The following STIMATE variants were observed in gnomAD, a reference collection of about 807,000 sequenced individuals.
STIMATE encodes the protein STIM activating enhancer, also known as store-operated calcium entry regulator STIMATE.
In STIMATE, 15 loss-of-function variants were observed where a neutral mutation model predicts 36.7. That is an observed-to-expected ratio of 0.41 (90% CI 0.27 to 0.63). STIMATE has a LOEUF of 0.63. Among genes scored for constraint, STIMATE ranks in the 20% least tolerant of loss-of-function variants. The pLI is 0.32. For missense variants in STIMATE, 305 were observed against 397.3 expected, an observed-to-expected ratio of 0.77 and a Z score of 1.98; for synonymous variants, 163 against 162.3, an observed-to-expected ratio of 1.00 and a Z score of -0.03.
intron 1 of STIMATE, among the ~76,000 whole-genome samples, chr3:52,886,723 AG>A (rs1286211256): frequency 2.6e-5 from 4 of 152,230 alleles, no homozygotes; most frequent in Non-Finnish European, 4.4e-5. Context: ...TTAATTACAA[AG>A]GGAAAAATTG....
Position 52,852,630 on chromosome 3 carries a change from T to C in STIMATE, c.278A>G (p.Asp93Gly), listed in dbSNP as rs1468710085. The C allele has an allele frequency of 6.2e-7, 1 of 1,614,184 alleles. No individual in the cohort carries two copies. Among genetic ancestry groups the C allele is most frequent in the South Asian group, 1.1e-5 (1 of 91,082 alleles). ...TGAACAAGGGTCCTCTTCAGTGAGA[T>C]CTGCTAGGTATACATTTGCAAAGTG... The part of the protein sequence containing the change: ...FIHFANVYLA[D>G]LTEEDPCSLY... The change falls in exon 3 of 8, where the codon GAT (aspartate) becomes GGT (glycine). Residue 93 changes from aspartate to glycine, a missense_variant. Physicochemically the swap from Asp to Gly is moderately conservative, Grantham distance 94 (BLOSUM62 -1). Coordinates refer to ENST00000355083, the MANE Select transcript of STIMATE (RefSeq NM_198563.5).
Position 52,842,916 on chromosome 3 carries a change from C to T in STIMATE, c.663G>A (p.Gly221=). The part of the protein sequence containing the change: ...WVVDNFLMRK[G]KTKAKLEERG... Reference sequence around the variant, plus strand: ...TTTCTTCTAGCTTAGCTTTCGTCTTCCCCTTTCTCATGAGGAAATTGTCCA... The same window carrying T: ...TTTCTTCTAGCTTAGCTTTCGTCTTTCCCTTTCTCATGAGGAAATTGTCCA... The change falls in exon 7 of 8, where the codon GGG becomes GGA. Residue 221 remains glycine, a synonymous_variant. Coordinates refer to ENST00000355083, the MANE Select transcript of STIMATE (RefSeq NM_198563.5). 2 of 1,614,224 alleles carry T rather than the reference C, an allele frequency of 1.2e-6. No individual in the cohort carries two copies. The highest frequency in any genetic ancestry group is 1.7e-6 in the Non-Finnish European group (2 of 1,180,052).
At chr3:52,843,065 G>A in intron 6 of STIMATE, 105 bp from the exon 7 acceptor site, 3 of 1,524,990 alleles carry the variant, frequency 2.0e-6, no homozygotes, top group South Asian at 2.5e-5. Context: ...AAGATCCAGA[G>A]CTATGGAAAG....
At chr3:52,845,946 C>T (rs369136602) in intron 4 of STIMATE, among the ~76,000 whole-genome samples, 3 of 5,908 alleles carry the variant, frequency 5.1e-4, no homozygotes, top group Admixed American at 2.1e-3. Context: ...GGCGGGGGGG[C>T]GGGAGGCTGG....
intron 1 of STIMATE, among the ~76,000 whole-genome samples, chr3:52,873,483 G>A (rs1313031098): frequency 1.3e-5 from 2 of 152,130 alleles, no homozygotes; most frequent in Non-Finnish European, 2.9e-5. Context: ...GTAAGTGTGG[G>A]GAAGTGGATT....
In STIMATE at chr3:52,837,926, G is replaced by A. The variant is rs533964175; in HGVS notation, c.*2568C>T. The A allele has an allele frequency of 6.6e-6, 1 of 152,190 alleles. No homozygotes were observed. The highest frequency in any genetic ancestry group is 1.5e-5 in the Non-Finnish European group (1 of 68,052). 9.4% of individuals were successfully genotyped at this position (152,190 alleles called of 1,614,324 possible). On this transcript the variant is annotated 3_prime_UTR_variant, in exon 8 of 8. Transcript: ENST00000355083. ...CTGCTCTCATGGGATGGTGCACCAC[G>A]GAAGAGCCCCCAGTGACTGCAGGAG...
intron 1 of STIMATE, among the ~76,000 whole-genome samples, chr3:52,867,962 C>T (rs1701339282): frequency 1.3e-5 from 2 of 152,172 alleles, no homozygotes; most frequent in Admixed American, 6.5e-5. Flanking sequence ...AGCCCAGGCC[C>T]CCTCTCCACA....
Position 52,842,953 on chromosome 3 carries a change from A to G in STIMATE, c.626T>C (p.Met209Thr). ...LIVPFFVNAL[M>T]FWVVDNFLMR... ...GAGGAAATTGTCCACTACCCAAAAC[A>G]TCAAAGCCTGTGGGAAGGAAAAGTG... Residue 209 changes from methionine (M) to threonine (T), a missense_variant, in exon 7 of 8, where the codon ATG (methionine) becomes ACG (threonine). Transcript: ENST00000355083. The G allele has an allele frequency of 6.2e-7, 1 of 1,614,116 alleles. No individual in the cohort carries two copies. The highest frequency in any genetic ancestry group is 8.5e-7 in the Non-Finnish European group (1 of 1,180,020).
At chr3:52,858,003 A>G (rs1245952311) in intron 1 of STIMATE, among the ~76,000 whole-genome samples, 4 of 152,200 alleles carry the variant, frequency 2.6e-5, no homozygotes, top group Admixed American at 2.0e-4. Context: ...GTGCAGCAAG[A>G]AAAGACCATG....
At chr3:52,889,991 C>T (rs1431107670) in intron 1 of STIMATE, among the ~76,000 whole-genome samples, 2 of 152,176 alleles carry the variant, frequency 1.3e-5, no homozygotes, top group African/African-American at 4.8e-5. Context: ...CTACCCTCTC[C>T]AGCGCTGGTC....
chr3:52,887,994 G>GTTTCTTTTTTTTTTT (rs1701717420), intron 1 of STIMATE, among the ~76,000 whole-genome samples: 1 of 52,694 alleles, frequency 1.9e-5, no homozygotes, highest in African/African-American at 7.0e-5. Flanking sequence ...AACAGAATCA[G>GTTTCTTTTTTTTTTT]TTTTTTTTTT....
In STIMATE at chr3:52,895,898, G is replaced by A. The variant is rs148482084; in HGVS notation, c.160+1393C>T. 3.5e-4 allele frequency: 445 copies of A among 1,289,742 alleles called. 1 individual carries two copies. The East Asian group carries it at 6.9e-3, about 20-fold the overall frequency. The allele number at this position is 1,289,742 out of a possible 1,614,324, so 79.9% of individuals were successfully genotyped here. On this transcript the variant is annotated intron_variant, in intron 1 of 7. Transcript: ENST00000355083. The stretch of plus-strand genomic sequence containing the variant: ...CTCACCATGTCTTGAAAACACACAC[G>A]TACAGTACATGCGCCCAAGTCAGCA...
At chr3:52,844,972 G>A (rs775343976) in intron 4 of STIMATE, 31 bp from the exon 5 acceptor site, 1 of 1,609,000 alleles carries the variant, frequency 6.2e-7, no homozygotes, top group South Asian at 1.1e-5. Flanking sequence ...TTAGTCACAT[G>A]GGGCCCAGGC....
Position 52,844,886 on chromosome 3 carries a change from G to C in STIMATE, c.483C>G (p.Ile161Met). Residue 161 changes from isoleucine to methionine, a missense_variant, in exon 5 of 8, where the codon ATC becomes ATG. Ile to Met is a conservative substitution (Grantham distance 10). Transcript: ENST00000355083. The part of the protein sequence containing the change: ...WVGQCALYIV[I>M]MIFEKSVVFI... The stretch of plus-strand genomic sequence containing the variant: ...AGACGACAGACTTTTCAAAAATCAT[G>C]ATCACGATGTAAAGAGCGCACTGCC... 1 of 1,614,120 alleles carries C rather than the reference G, an allele frequency of 6.2e-7. No individual in the cohort carries two copies. The highest frequency in any genetic ancestry group is 8.5e-7 in the Non-Finnish European group (1 of 1,180,028).
At chr3:52,850,032 G>A (rs1700970812) in intron 3 of STIMATE, 119 bp from the exon 4 acceptor site, 3 of 1,430,004 alleles carry the variant, frequency 2.1e-6, no homozygotes, top group South Asian at 3.0e-5. Flanking sequence ...CCCATTCTGG[G>A]GGCTGGGAGC....
At chr3:52,878,896 A>T (rs1294543344) in intron 1 of STIMATE, among the ~76,000 whole-genome samples, 1 of 152,166 alleles carries the variant, frequency 6.6e-6, no homozygotes, top group Non-Finnish European at 1.5e-5. Flanking sequence ...ATGGCAGATG[A>T]GCAGTCTACT....
intron 5 of STIMATE, 42 bp from the exon 6 acceptor site, chr3:52,843,840 C>G: frequency 6.4e-7 from 1 of 1,558,888 alleles, no homozygotes; most frequent in Non-Finnish European, 8.8e-7. Flanking sequence ...GAGAGGCCAC[C>G]GAGAGTGTGC....
At chr3:52,854,732 G>A (rs1484930654) in intron 2 of STIMATE, among the ~76,000 whole-genome samples, 1 of 152,182 alleles carries the variant, frequency 6.6e-6, no homozygotes, top group Non-Finnish European at 1.5e-5. Context: ...ATACCCTGAG[G>A]ACCCCACTAC....
chr3:52,845,017 C>CA, intron 4 of STIMATE, 76 bp from the exon 5 acceptor site: 1 of 1,483,010 alleles, frequency 6.7e-7, no homozygotes, highest in South Asian at 1.2e-5. Flanking sequence ...CCCACTCCCC[C>CA]ACACGCACCC....
Sources: allele counts gnomAD v4.1 joint callset (sites outside exome capture counted in the v4.1 genomes callset), GRCh38; gene constraint gnomAD v4.1.1; transcripts MANE v1.5; gene names NCBI Gene and HGNC (gene_info 2026-07-23, HGNC 2026-07-21).